The following FER variants were observed in gnomAD, a reference collection of about 807,000 sequenced individuals.
The protein encoded by FER is FER tyrosine kinase.
FER carries 63 observed loss-of-function variants against 111.0 expected under a neutral mutation model. The observed-to-expected ratio is 0.57, with a 90% CI of 0.46 to 0.70. The LOEUF (loss-of-function observed/expected upper bound fraction) is 0.70, where lower values mean the gene tolerates loss of function less well. Ranked by LOEUF, FER falls within the 30% of genes least tolerant of loss-of-function variation. The pLI, the probability that FER is intolerant of heterozygous loss-of-function variation, is 0.00. For synonymous variants in FER, 327 were observed against 313.9 expected (o/e 1.04, Z -0.44); for missense variants, 914 against 954.0 (o/e 0.96, Z 0.55).
intron 2 of FER, among the ~76,000 whole-genome samples, chr5:108,788,113 C>G (rs759362565): frequency 3.2e-4 from 49 of 152,186 alleles, no homozygotes; most frequent in Non-Finnish European, 5.7e-4. Flanking sequence ...TGCTGTAACA[C>G]CCTTTTTGGG....
At chr5:109,114,555 C>A (rs1357833719) in intron 17 of FER, among the ~76,000 whole-genome samples, 3 of 151,944 alleles carry the variant, frequency 2.0e-5, no homozygotes, top group Non-Finnish European at 4.4e-5. Flanking sequence ...TCTTCAGGGC[C>A]AAATACTGTA....
chr5:109,008,044 T>A lies in FER; in HGVS notation c.1657-29378T>A, dbSNP rs996756583. Among the ~76,000 whole-genome samples, 8 of 152,348 alleles carry A rather than the reference T, an allele frequency of 5.3e-5. 1 individual carries two copies. Among genetic ancestry groups the A allele is most frequent in the African/African-American group, 1.9e-4 (8 of 41,590 alleles). Reference sequence around the variant, plus strand: ...TAATGACTAAAGATGTTGAGCATCATTTCATGTGGTTATTTGTGATCTGTA... The same window carrying A: ...TAATGACTAAAGATGTTGAGCATCAATTCATGTGGTTATTTGTGATCTGTA... On this transcript the variant is annotated intron_variant, in intron 13 of 19. Coordinates refer to ENST00000281092, the MANE Select transcript of FER (RefSeq NM_005246.4).
At chr5:109,127,735 T>C (rs1945106464) in intron 17 of FER, among the ~76,000 whole-genome samples, 1 of 152,116 alleles carries the variant, frequency 6.6e-6, no homozygotes, top group South Asian at 2.1e-4. Flanking sequence ...TAGAAAAATA[T>C]TACTAATTAA....
chr5:109,029,206 T>A (rs1327319081), intron 13 of FER, among the ~76,000 whole-genome samples: 1 of 150,712 alleles, frequency 6.6e-6, no homozygotes, highest in Admixed American at 6.6e-5. Flanking sequence ...TTTACCTACG[T>A]CCTTTTAGGC....
chr5:108,895,133 A>G (rs1194016787), intron 9 of FER, among the ~76,000 whole-genome samples: 2 of 152,194 alleles, frequency 1.3e-5, no homozygotes, highest in African/African-American at 4.8e-5. Flanking sequence ...ACAGTAAAGC[A>G]TAGAGATTGG....
intron 17 of FER, among the ~76,000 whole-genome samples, chr5:109,177,261 A>T (rs1757802385): frequency 6.6e-6 from 1 of 152,112 alleles, no homozygotes; most frequent in African/African-American, 2.4e-5. Context: ...CAAATGAAAT[A>T]TGCTTCATTT....
intron 17 of FER, among the ~76,000 whole-genome samples, chr5:109,151,112 T>G (rs570068419): frequency 6.6e-6 from 1 of 152,190 alleles, no homozygotes; most frequent in East Asian, 1.9e-4. Context: ...ATTCGCTGAA[T>G]GATGCTTCCT....
At chr5:109,027,250 T>C (rs1353650337) in intron 13 of FER, among the ~76,000 whole-genome samples, 1 of 152,170 alleles carries the variant, frequency 6.6e-6, no homozygotes, top group Non-Finnish European at 1.5e-5. Context: ...GAACCTGCAA[T>C]ACATTGGCTC....
chr5:108,817,103 C>CAAAAAAAAAAAAAAAAAAAAAAAAAAA (rs70999913), intron 3 of FER, among the ~76,000 whole-genome samples: 1 of 59,204 alleles, frequency 1.7e-5, no homozygotes, highest in Non-Finnish European at 3.0e-5. Flanking sequence ...GACACTGTCT[C>CAAAAAAAAAAAAAAAAAAAAAAAAAAA]AAAAAAAAAA....
chr5:108,830,766 C>T (rs906743956), intron 3 of FER: 1 of 152,098 alleles, frequency 6.6e-6, no homozygotes, highest in African/African-American at 2.4e-5. Context: ...GAAGGGTGTC[C>T]TCAGATTCAA....
intron 13 of FER, among the ~76,000 whole-genome samples, chr5:109,029,707 T>C (rs1256020426): frequency 6.6e-6 from 1 of 152,166 alleles, no homozygotes; most frequent in Non-Finnish European, 1.5e-5. Flanking sequence ...TTCTGTGAAT[T>C]GGTATACCCT....
At chr5:108,929,564 T>A (rs1439239179) in intron 10 of FER, among the ~76,000 whole-genome samples, 1 of 152,112 alleles carries the variant, frequency 6.6e-6, no homozygotes, top group Non-Finnish European at 1.5e-5. Flanking sequence ...AGGTACATGA[T>A]CCTTTTAAGG....
intron 10 of FER, among the ~76,000 whole-genome samples, chr5:108,910,754 G>GT (rs927515745): frequency 6.6e-6 from 1 of 151,138 alleles, no homozygotes; most frequent in African/African-American, 2.4e-5. Context: ...CTATTTCTGA[G>GT]TTTTTTCACT....
Position 108,963,467 on chromosome 5 carries a change from C to T in FER, c.1656+4120C>T, listed in dbSNP as rs191070993. On this transcript the variant is annotated intron_variant, in intron 13 of 19. Transcript: ENST00000281092. ...ATCCCAGCTACTTGGGGGGCTGAGG[C>T]AGGAGAATCACTTGAATCTGGGAGG... is the stretch of plus-strand genomic sequence containing the variant. 4.4e-3 allele frequency among the ~76,000 whole-genome samples: 664 copies of T among 152,228 alleles called. 4 individuals carry two copies. Among genetic ancestry groups the T allele is most frequent in the African/African-American group, 0.015 (643 of 41,546 alleles).
At chr5:108,888,462 G>T (rs556904516) in intron 9 of FER, among the ~76,000 whole-genome samples, 1 of 151,852 alleles carries the variant, frequency 6.6e-6, no homozygotes, top group Non-Finnish European at 1.5e-5. Flanking sequence ...TAAGAAGTAC[G>T]GTCAGAGGTC....
chr5:108,939,838 G>A (rs1383599116), intron 10 of FER, among the ~76,000 whole-genome samples: 17 of 151,830 alleles, frequency 1.1e-4, no homozygotes, highest in Non-Finnish European at 2.9e-5. Context: ...CCAGTTACTA[G>A]TTGCAGTAAC....
At chr5:108,854,946 CAAAAAAAA>C (rs34850507) in intron 5 of FER, among the ~76,000 whole-genome samples, 17 of 36,660 alleles carry the variant, frequency 4.6e-4, no homozygotes, top group Middle Eastern at 0.029. Context: ...GACCCTGTCT[CAAAAAAAA>C]AAAAAAAAAA....
intron 17 of FER, among the ~76,000 whole-genome samples, chr5:109,147,798 T>G (rs56931798): frequency 0.17 from 19,761 of 115,932 alleles, 1,326 homozygotes; most frequent in African/African-American, 0.21. Flanking sequence ...TATATATATA[T>G]ATAGAGAGAG....
chr5:108,756,405 T>C (rs546007222), intron 1 of FER, among the ~76,000 whole-genome samples: 17 of 152,020 alleles, frequency 1.1e-4, no homozygotes, highest in African/African-American at 3.9e-4. Context: ...CTTTGTAATA[T>C]GGAAAATCCA....
Sources: gnomAD v4.1 joint callset for allele counts (sites outside exome capture counted in the v4.1 genomes callset) on GRCh38, gnomAD v4.1.1 for gene constraint, MANE v1.5 for transcripts, NCBI Gene and HGNC (gene_info 2026-07-23, HGNC 2026-07-21) for gene names.